The following RNGTT variants were observed in gnomAD, a reference collection of about 807,000 sequenced individuals.
The protein encoded by RNGTT is mRNA-capping enzyme.
In RNGTT, 33 loss-of-function variants were observed where a neutral mutation model predicts 79.3. The observed-to-expected ratio is 0.42, with a 90% CI of 0.32 to 0.56. RNGTT has a LOEUF of 0.56. RNGTT is among the 20% of genes least tolerant of loss of function. RNGTT has a pLI of 0.17. For synonymous variants in RNGTT, 222 were observed against 235.9 expected, an observed-to-expected ratio of 0.94 and a Z score of 0.54; for missense variants, 497 against 739.1, an observed-to-expected ratio of 0.67 and a Z score of 3.80.
intron 13 of RNGTT, chr6:88,714,411 G>C (rs1303372703): frequency 6.6e-6 from 1 of 152,182 alleles, no homozygotes; most frequent in East Asian, 1.9e-4. Flanking sequence ...ATAAAGCCTG[G>C]GAAGAGTGAC....
chr6:88,723,959 A>T (rs1435187669), intron 13 of RNGTT, among the ~76,000 whole-genome samples: 1 of 152,208 alleles, frequency 6.6e-6, no homozygotes, highest in Non-Finnish European at 1.5e-5. Flanking sequence ...TCCTGGCCTC[A>T]GGTGATCCGC....
intron 13 of RNGTT, among the ~76,000 whole-genome samples, chr6:88,768,732 G>A (rs959991562): frequency 2.6e-5 from 4 of 152,068 alleles, no homozygotes; most frequent in Non-Finnish European, 2.9e-5. Context: ...TTGTTGTAAT[G>A]TATTTACTTA....
intron 13 of RNGTT, among the ~76,000 whole-genome samples, chr6:88,724,040 CCTAA>C (rs1434861720): frequency 6.6e-6 from 1 of 152,046 alleles, no homozygotes; most frequent in Non-Finnish European, 1.5e-5. Context: ...TGGGTTTTAA[CCTAA>C]CTCTTTTTAC....
chr6:88,792,057 G>A (rs781251801), intron 12 of RNGTT, among the ~76,000 whole-genome samples: 193 of 152,272 alleles, frequency 1.3e-3, no homozygotes, highest in Middle Eastern at 6.8e-3. Context: ...AATTCTAGTA[G>A]ATATGTTGCC....
At chr6:88,901,524 T>G (rs1783463846) in intron 6 of RNGTT, among the ~76,000 whole-genome samples, 1 of 113,776 alleles carries the variant, frequency 8.8e-6, no homozygotes, top group African/African-American at 3.2e-5. Context: ...TTTTTTTTTT[T>G]GAGATGGAGT....
intron 14 of RNGTT, among the ~76,000 whole-genome samples, chr6:88,634,534 A>C (rs1217257189): frequency 6.6e-6 from 1 of 152,140 alleles, no homozygotes; most frequent in African/African-American, 2.4e-5. Flanking sequence ...CAGACAGAGA[A>C]AAGACATATG....
At chr6:88,747,105 G>A (rs1252985132) in intron 13 of RNGTT, among the ~76,000 whole-genome samples, 1 of 152,164 alleles carries the variant, frequency 6.6e-6, no homozygotes, top group Non-Finnish European at 1.5e-5. Context: ...ATAGTAGAAA[G>A]AGATAAAGAA....
At chr6:88,739,725 TTATATATATATATATATA>T (rs367967175) in intron 13 of RNGTT, among the ~76,000 whole-genome samples, 1,074 of 94,098 alleles carry the variant, frequency 0.011, 22 homozygotes, top group African/African-American at 0.014. Flanking sequence ...GTGAAAAAAA[TTATATATATATATATATA>T]TATATATATA....
chr6:88,745,431 T>C (rs1275947146), intron 13 of RNGTT, among the ~76,000 whole-genome samples: 1 of 152,102 alleles, frequency 6.6e-6, no homozygotes. Context: ...TTACAAGTTA[T>C]TACAACAAAA....
intron 1 of RNGTT, among the ~76,000 whole-genome samples, chr6:88,955,458 C>G (rs1017722143): frequency 1.1e-4 from 17 of 148,074 alleles, no homozygotes; most frequent in Admixed American, 5.5e-4. Flanking sequence ...GCTGAGGCAG[C>G]AGAATCGCTT....
At chr6:88,695,157 T>C (rs1396739544) in intron 13 of RNGTT, among the ~76,000 whole-genome samples, 2 of 151,966 alleles carry the variant, frequency 1.3e-5, no homozygotes, top group African/African-American at 2.4e-5. Flanking sequence ...AAAGCAAAAA[T>C]AGACAAATGG....
rs1026192751 is a variant in RNGTT, at chr6:88,801,488, G to C, written c.1338+76C>G. ...AAGTTTGAGGCATACATGTGTATGT[G>C]TATGTATATGTATATCTGTGTACAC... On this transcript the variant is annotated intron_variant, in intron 12 of 15. Coordinates refer to ENST00000369485, the MANE Select transcript of RNGTT (RefSeq NM_003800.5). 7.2e-6 allele frequency: 8 copies of C among 1,112,218 alleles called. No individual in the cohort carries two copies. The African/African-American group carries it at 1.2e-4, about 17-fold the overall frequency. The allele number at this position is 1,112,218 out of a possible 1,614,324, so 68.9% of individuals were successfully genotyped here.
intron 13 of RNGTT, among the ~76,000 whole-genome samples, chr6:88,738,628 AGAGT>A (rs1193435112): frequency 1.3e-5 from 2 of 152,194 alleles, no homozygotes; most frequent in African/African-American, 4.8e-5. Context: ...CCTGGGTGAC[AGAGT>A]GAGACCCCGT....
At chr6:88,701,077 C>T (rs1263124043) in intron 13 of RNGTT, among the ~76,000 whole-genome samples, 1 of 148,760 alleles carries the variant, frequency 6.7e-6, no homozygotes, top group Non-Finnish European at 1.5e-5. Context: ...ATGAATGTTA[C>T]GTATGGAAGA....
chr6:88,912,233 T>C (rs1184803097), intron 4 of RNGTT, among the ~76,000 whole-genome samples: 1 of 150,122 alleles, frequency 6.7e-6, no homozygotes, highest in Non-Finnish European at 1.5e-5. Context: ...CAGGACCCCA[T>C]CTCTACCAAA....
At chr6:88,797,958 A>C (rs2127860293) in intron 12 of RNGTT, among the ~76,000 whole-genome samples, 1 of 151,380 alleles carries the variant, frequency 6.6e-6, no homozygotes, top group African/African-American at 2.4e-5. Context: ...AAAAAAAAAA[A>C]AAAGAGGAAA....
chr6:88,642,564 T>C (rs1773364511), intron 14 of RNGTT, among the ~76,000 whole-genome samples: 1 of 152,134 alleles, frequency 6.6e-6, no homozygotes, highest in Admixed American at 6.5e-5. Flanking sequence ...TACCTGACAT[T>C]CTCAAATGTA....
intron 10 of RNGTT, among the ~76,000 whole-genome samples, chr6:88,847,642 T>C (rs1040198854): frequency 6.6e-6 from 1 of 152,050 alleles, no homozygotes; most frequent in South Asian, 2.1e-4. Flanking sequence ...TAAATATGTA[T>C]TGAATAAACA....
chr6:88,895,297 C>T (rs1284791439), intron 6 of RNGTT, among the ~76,000 whole-genome samples: 2 of 148,640 alleles, frequency 1.3e-5, no homozygotes, highest in African/African-American at 2.5e-5. Context: ...CAAGAATATA[C>T]GTACAACAGG....
Sources: allele counts gnomAD v4.1 joint callset (sites outside exome capture counted in the v4.1 genomes callset), GRCh38; gene constraint gnomAD v4.1.1; transcripts MANE v1.5; gene names NCBI Gene and HGNC (gene_info 2026-07-23, HGNC 2026-07-21).